The following ESPNL variants were observed in gnomAD, a reference collection of about 807,000 sequenced individuals.
ESPNL encodes espin like.
ESPNL carries 49 observed loss-of-function variants against 46.8 expected under a neutral mutation model. That is an observed-to-expected ratio of 1.05 (90% CI 0.83 to 1.33). The LOEUF (loss-of-function observed/expected upper bound fraction) is 1.33, where lower values mean the gene tolerates loss of function less well. ESPNL is among the 40% of genes most tolerant of loss of function. ESPNL has a pLI of 0.00. For synonymous variants in ESPNL, 664 were observed against 662.1 expected, an observed-to-expected ratio of 1.00 and a Z score of -0.04; for missense variants, 1,540 against 1,436.6, an observed-to-expected ratio of 1.07 and a Z score of -1.16.
At chr2:238,109,524 A>T (rs563714368) in intron 4 of ESPNL, among the ~76,000 whole-genome samples, 42 of 152,088 alleles carry the variant, frequency 2.8e-4, no homozygotes, top group East Asian at 2.7e-3. Context: ...CTAATTTTTT[A>T]AAAAAATTTT....
intron 1 of ESPNL, among the ~76,000 whole-genome samples, chr2:238,101,311 C>T (rs970710450): frequency 2.0e-5 from 3 of 152,148 alleles, no homozygotes; most frequent in Non-Finnish European, 2.9e-5. Flanking sequence ...AGGTGGGGGC[C>T]GGTGGGGCCT....
At position 238,130,624 on chromosome 2, in the gene ESPNL, CT is replaced by C; in HGVS notation, c.1911del (p.Arg638GlyfsTer47). 1 of 1,562,744 alleles carries C rather than the reference CT, an allele frequency of 6.4e-7. No homozygotes were observed. The highest frequency in any genetic ancestry group is 1.9e-5 in the Admixed American group (1 of 52,358). On this transcript the variant is annotated frameshift_variant, in exon 9 of 9. Coordinates refer to ENST00000343063, the MANE Select transcript of ESPNL (RefSeq NM_194312.4). LOFTEE classifies it low-confidence loss of function (END_TRUNC). The part of the protein sequence containing the change: ...DTCREASASP[P>X]RSEAQRQIQE... ...TGCAGGGAGGCCTCGGCCAGCCCCC[CT>C]CGGAGCGAGGCCCAGCGCCAGATCC...
intron 4 of ESPNL, among the ~76,000 whole-genome samples, chr2:238,108,659 C>T (rs1328700615): frequency 6.6e-6 from 1 of 152,162 alleles, no homozygotes; most frequent in Non-Finnish European, 1.5e-5. Flanking sequence ...CCTCCTGGGC[C>T]CAGGCTGCTC....
At chr2:238,105,509 TC>T (rs1691576327) in intron 3 of ESPNL, among the ~76,000 whole-genome samples, 1 of 99,658 alleles carries the variant, frequency 1.0e-5, no homozygotes, top group Non-Finnish European at 2.1e-5. Context: ...TGAGACTCTG[TC>T]TCAAAAAAAA....
chr2:238,127,957 G>T (rs1016401269), intron 7 of ESPNL, among the ~76,000 whole-genome samples: 1 of 152,186 alleles, frequency 6.6e-6, no homozygotes, highest in Admixed American at 6.5e-5. Context: ...AGAAACACGG[G>T]GACCCTTCTC....
intron 4 of ESPNL, among the ~76,000 whole-genome samples, chr2:238,112,175 T>G (rs1691729025): frequency 6.8e-6 from 1 of 146,532 alleles, no homozygotes; most frequent in Admixed American, 6.7e-5. Context: ...CTAATTCAAT[T>G]TATTTAATTA....
Position 238,131,877 on chromosome 2 carries a change from T to C in ESPNL, c.*145T>C. ...CCAGTTATCGGAGGCTGCGGGACTG[T>C]TCTGTTGTGGCATGGTTCTCCTCCG... is the stretch of plus-strand genomic sequence containing the variant. On this transcript the variant is annotated 3_prime_UTR_variant, in exon 9 of 9. Coordinates refer to ENST00000343063, the MANE Select transcript of ESPNL (RefSeq NM_194312.4). The C allele has an allele frequency of 2.3e-6, 2 of 865,796 alleles. No individual in the cohort carries two copies. Among genetic ancestry groups the C allele is most frequent in the South Asian group, 3.4e-5 (2 of 58,298 alleles). The allele number at this position is 865,796 out of a possible 1,614,324, so 53.6% of individuals were successfully genotyped here. A position where few individuals can be genotyped will look rare whatever the true frequency, so the allele number is the denominator to read the frequency against.
At chr2:238,111,920 C>T (rs1025481936) in intron 4 of ESPNL, among the ~76,000 whole-genome samples, 1 of 152,120 alleles carries the variant, frequency 6.6e-6, no homozygotes, top group Non-Finnish European at 1.5e-5. Flanking sequence ...AATTTGCTAA[C>T]ATTTTGTTTA....
Position 238,128,761 on chromosome 2 carries a change from C to T in ESPNL, c.1270C>T (p.Leu424=). The part of the protein sequence containing the change: ...DTSDGLAALQ[L]DGLPSGDIDG... ...CTCAGATGGCCTGGCCGCACTACAG[C>T]TGGATGGGCTGCCCTCAGGCGACAT... The change falls in exon 8 of 9, where the codon CTG becomes TTG. Residue 424 remains leucine (L), a synonymous_variant. Transcript: ENST00000343063. The T allele has an allele frequency of 6.3e-7, 1 of 1,595,528 alleles. No homozygotes were observed. The highest frequency in any genetic ancestry group is 1.3e-5 in the African/African-American group (1 of 74,724).
intron 4 of ESPNL, among the ~76,000 whole-genome samples, chr2:238,108,479 C>T (rs1691650843): frequency 6.6e-6 from 1 of 152,232 alleles, no homozygotes; most frequent in South Asian, 2.1e-4. Context: ...GTGCAGCCAT[C>T]AGCTGCTGGC....
chr2:238,127,449 A>G, intron 6 of ESPNL, 173 bp from the exon 7 acceptor site: 3 of 1,364,512 alleles, frequency 2.2e-6, no homozygotes, highest in Non-Finnish European at 2.8e-6. Context: ...GACTCCCCAG[A>G]GAAGGTCCAG....
Position 238,131,026 on chromosome 2 carries a change from C to T in ESPNL, c.2312C>T (p.Ala771Val), listed in dbSNP as rs570616030. The T allele has an allele frequency of 1.1e-4, 162 of 1,539,202 alleles. No homozygotes were observed. The highest frequency in any genetic ancestry group is 1.2e-4 in the Non-Finnish European group (140 of 1,143,520). The change falls in exon 9 of 9, where the codon GCG becomes GTG. Residue 771 changes from alanine (A) to valine (V), a missense_variant. Physicochemically the swap from Ala to Val is moderately conservative, Grantham distance 64. Coordinates refer to ENST00000343063, the MANE Select transcript of ESPNL (RefSeq NM_194312.4). The part of the protein sequence containing the change: ...VACRTLGARH[A>V]GLRGQEAARS... Reference sequence around the variant, plus strand: ...TGCAGGACCCTAGGAGCCCGCCACGCGGGGTTGCGGGGCCAGGAGGCCGCC... The same window carrying T: ...TGCAGGACCCTAGGAGCCCGCCACGTGGGGTTGCGGGGCCAGGAGGCCGCC...
intron 3 of ESPNL, among the ~76,000 whole-genome samples, chr2:238,106,584 C>A (rs567997314): frequency 6.6e-6 from 1 of 152,362 alleles, no homozygotes; most frequent in South Asian, 2.1e-4. Flanking sequence ...TGGGTCCCAC[C>A]CTGGCCATCC....
intron 8 of ESPNL, 127 bp from the exon 9 acceptor site, chr2:238,130,001 A>G: frequency 2.8e-6 from 3 of 1,090,772 alleles, no homozygotes; most frequent in South Asian, 1.7e-5. Flanking sequence ...GAAGCCCTTT[A>G]AAGTCTTACC....
At chr2:238,118,776 AGG>A (rs199961749) in intron 5 of ESPNL, among the ~76,000 whole-genome samples, 78 of 40,994 alleles carry the variant, frequency 1.9e-3, no homozygotes, top group African/African-American at 6.2e-3. Context: ...TGGATGGAGG[AGG>A]GGAGATGGAG....
rs1230309990 is a variant in ESPNL at position 238,100,594 on chromosome 2, G to T, written c.175G>T (p.Ala59Ser). The T allele has an allele frequency of 2.0e-6, 3 of 1,530,300 alleles. No individual in the cohort carries two copies. 94.8% of individuals were successfully genotyped at this position (1,530,300 alleles called of 1,614,324 possible). The part of the protein sequence containing the change: ...LDCVKFLVQR[A>S]QLPGNQRAHN... ...CTGCGTCAAGTTCTTGGTGCAGCGG[G>T]CCCAGCTGCCCGGCAACCAGCGGGC... The change falls in exon 1 of 9, where the codon GCC becomes TCC. Residue 59 changes from alanine to serine, a missense_variant. Ala to Ser is a moderately conservative substitution (Grantham distance 99). Transcript: ENST00000343063.
chr2:238,130,214 G>C lies in ESPNL; in HGVS notation c.1500G>C (p.Glu500Asp). 1 of 1,612,168 alleles carries C rather than the reference G, an allele frequency of 6.2e-7. No homozygotes were observed. ...AGGCCATCCTGGGGCCCTTTGGGGA[G>C]CTGCTGACAGAGGATGACCTGGTCT... The part of the protein sequence containing the change: ...THQAILGPFG[E>D]LLTEDDLVYL... Residue 500 changes from glutamate (E) to aspartate (D), a missense_variant, in exon 9 of 9, where the codon GAG (glutamate) becomes GAC (aspartate). Coordinates refer to ENST00000343063, the MANE Select transcript of ESPNL (RefSeq NM_194312.4).
At chr2:238,129,221 C>A in intron 8 of ESPNL, 1 of 1,271,202 alleles carries the variant, frequency 7.9e-7, no homozygotes, top group Non-Finnish European at 9.9e-7. Context: ...AAGACGGTGG[C>A]CCATGGGCAG....
At chr2:238,122,351 G>A (rs1692006974) in intron 5 of ESPNL, among the ~76,000 whole-genome samples, 1 of 152,252 alleles carries the variant, frequency 6.6e-6, no homozygotes, top group Admixed American at 6.5e-5. Context: ...GGTGGCAGCA[G>A]CGTCAAGGTC....
Sources: gnomAD v4.1 joint callset for allele counts (sites outside exome capture counted in the v4.1 genomes callset) on GRCh38, gnomAD v4.1.1 for gene constraint, MANE v1.5 for transcripts, NCBI Gene and HGNC (gene_info 2026-07-23, HGNC 2026-07-21) for gene names.